Variants in BLTP3B observed in about 807,000 individuals in gnomAD.
BLTP3B encodes the protein bridge-like lipid transfer protein family member 3B, also known as UHRF1 (ICBP90) binding protein 1-like.
the BLTP3B span, chr12:100,097,653 T>C: frequency 3.4e-5 from 30 of 881,608 alleles, 1 homozygote; most frequent in Middle Eastern, 1.8e-3. Flanking sequence ...TTTTTGTAAA[T>C]TGCATTATTC....
the BLTP3B span, among the ~76,000 whole-genome samples, chr12:100,089,546 C>T: frequency 0.069 from 10,416 of 151,776 alleles, 390 homozygotes; most frequent in South Asian, 0.087. Flanking sequence ...GGTAACAGAG[C>T]GAGACTCCAT....
At chr12:100,047,781 TA>T in the BLTP3B span, 2 of 1,090,914 alleles carry the variant, frequency 1.8e-6, no homozygotes, top group Non-Finnish European at 2.6e-6. Flanking sequence ...ATATATTTCC[TA>T]ATTTCCAAAA....
At chr12:100,057,450 T>A in the BLTP3B span, 1 of 552,514 alleles carries the variant, frequency 1.8e-6, no homozygotes, top group Non-Finnish European at 2.8e-6. Flanking sequence ...TTTTTAGTTA[T>A]GTTCAGTAAC....
the BLTP3B span, among the ~76,000 whole-genome samples, chr12:100,040,990 G>A: frequency 6.6e-6 from 1 of 151,962 alleles, no homozygotes; most frequent in Admixed American, 6.6e-5. Context: ...ATCAAATCTA[G>A]ACAAAACAAA....
chr12:100,110,130 AGAGT>A, the BLTP3B span, among the ~76,000 whole-genome samples: 1 of 152,226 alleles, frequency 6.6e-6, no homozygotes, highest in Non-Finnish European at 1.5e-5. Flanking sequence ...CTGGCTAACA[AGAGT>A]TAGTCTTTAC....
At chr12:100,059,832 T>C in the BLTP3B span, 1 of 1,594,586 alleles carries the variant, frequency 6.3e-7, no homozygotes, top group Non-Finnish European at 8.5e-7. Flanking sequence ...TCATTACTAC[T>C]ACTTGTTTGT....
chr12:100,141,778 A>G, the BLTP3B span, among the ~76,000 whole-genome samples: 1 of 152,204 alleles, frequency 6.6e-6, no homozygotes, highest in Non-Finnish European at 1.5e-5. Flanking sequence ...GGAGAAGCCA[A>G]GAGCAGTAAC....
chr12:100,125,499 C>T, the BLTP3B span, among the ~76,000 whole-genome samples: 674 of 151,930 alleles, frequency 4.4e-3, 4 homozygotes, highest in Admixed American at 7.0e-3. Flanking sequence ...AAAAATAAAA[C>T]ATTAGCCGAG....
chr12:100,057,829 G>A, the BLTP3B span: 7 of 1,370,492 alleles, frequency 5.1e-6, no homozygotes, highest in South Asian at 7.0e-5. Context: ...ATTAAAATAT[G>A]TATATAGCAT....
the BLTP3B span, chr12:100,037,609 T>C: frequency 1.2e-6 from 2 of 1,606,364 alleles, no homozygotes; most frequent in Non-Finnish European, 1.7e-6. Context: ...TCCAGAGCTA[T>C]AATTTCAGTT....
chr12:100,117,197 C>T, the BLTP3B span, among the ~76,000 whole-genome samples: 2 of 152,138 alleles, frequency 1.3e-5, no homozygotes, highest in African/African-American at 4.8e-5. Flanking sequence ...GTGAGGGCTG[C>T]ACATAGTACT....
At chr12:100,123,361 G>A in the BLTP3B span, among the ~76,000 whole-genome samples, 1 of 152,202 alleles carries the variant, frequency 6.6e-6, no homozygotes, top group Non-Finnish European at 1.5e-5. Context: ...GAGTGTTGTA[G>A]TGTATAGGGA....
At chr12:100,097,300 C>A in the BLTP3B span, 1 of 1,513,042 alleles carries the variant, frequency 6.6e-7, no homozygotes, top group South Asian at 1.3e-5. Context: ...ATAGTTAACA[C>A]ACAAATCAAA....
the BLTP3B span, chr12:100,142,770 G>A: frequency 5.2e-6 from 7 of 1,356,260 alleles, no homozygotes; most frequent in Non-Finnish European, 5.9e-6. Context: ...GAGACCCAAG[G>A]CCCCGGCCAA....
At chr12:100,083,191 CTTT>C in the BLTP3B span, 1 of 1,265,358 alleles carries the variant, frequency 7.9e-7, no homozygotes, top group Non-Finnish European at 1.1e-6. Context: ...AACAGTCACT[CTTT>C]TATTATTAAG....
At chr12:100,045,860 A>G in the BLTP3B span, among the ~76,000 whole-genome samples, 2 of 152,216 alleles carry the variant, frequency 1.3e-5, no homozygotes, top group Non-Finnish European at 2.9e-5. Context: ...AGAATCTACA[A>G]AGAACTTAAA....
At chr12:100,044,993 T>C in the BLTP3B span, among the ~76,000 whole-genome samples, 3 of 152,088 alleles carry the variant, frequency 2.0e-5, no homozygotes, top group Non-Finnish European at 4.4e-5. Context: ...TGAACTCTCA[T>C]TCACAATTAC....
At chr12:100,135,277 C>CTTTTT in the BLTP3B span, among the ~76,000 whole-genome samples, 103 of 116,362 alleles carry the variant, frequency 8.9e-4, 1 homozygote, top group African/African-American at 4.6e-3. Context: ...TTTTTTCTTT[C>CTTTTT]TTTCTTTTTT....
At chr12:100,101,741 C>A in the BLTP3B span, among the ~76,000 whole-genome samples, 483 of 152,248 alleles carry the variant, frequency 3.2e-3, 1 homozygote, top group African/African-American at 0.011. Context: ...CTGTGGAAAG[C>A]AAAAACATTT....
Sources: allele counts gnomAD v4.1 joint callset (sites outside exome capture counted in the v4.1 genomes callset), GRCh38; gene constraint gnomAD v4.1.1; transcripts MANE v1.5; gene names NCBI Gene and HGNC (gene_info 2026-07-23, HGNC 2026-07-21).